PATL2: variants seen among roughly 807,000 people sequenced by gnomAD.
PATL2 encodes the protein protein PAT1 homolog 2.
Under a neutral mutation model 77.0 loss-of-function variants are expected in PATL2, and 73 were observed. That is an observed-to-expected ratio of 0.95 (90% confidence interval 0.78 to 1.15). The LOEUF (loss-of-function observed/expected upper bound fraction) is 1.15, where lower values mean the gene tolerates loss of function less well. Ranked by LOEUF, PATL2 falls within the 50% of genes most tolerant of loss-of-function variation. The probability of loss-of-function intolerance (pLI) is 0.00; values close to 1 mark genes in which losing one functional copy is unlikely to be tolerated. For missense variants in PATL2, 618 were observed against 655.4 expected, an observed-to-expected ratio of 0.94 and a Z score of 0.62; for synonymous variants, 265 against 257.1, an observed-to-expected ratio of 1.03 and a Z score of -0.29.
In PATL2 at chr15:44,672,373, TG is replaced by T; in HGVS notation, c.515+14del. 6.4e-7 allele frequency: 1 copy of T among 1,551,374 alleles called. No individual in the cohort carries two copies. The highest frequency in any genetic ancestry group is 8.7e-7 in the Non-Finnish European group (1 of 1,146,744). On this transcript the variant is annotated intron_variant, in intron 8 of 17. Transcript: ENST00000682850. ...AATGGGCTCCCCTCAACCCTGCTCC[TG>T]GTCTGGGCTTTACCTTGGTGTTTGA... is the stretch of plus-strand genomic sequence containing the variant.
At chr15:44,703,081 C>T (rs928164780) in intron 3 of PATL2, among the ~76,000 whole-genome samples, 1 of 152,042 alleles carries the variant, frequency 6.6e-6, no homozygotes, top group African/African-American at 2.4e-5. Flanking sequence ...CAAGACCATC[C>T]TGACTAACGT....
chr15:44,700,053 A>G (rs2086595575), intron 3 of PATL2, among the ~76,000 whole-genome samples: 1 of 151,774 alleles, frequency 6.6e-6, no homozygotes, highest in South Asian at 2.1e-4. Context: ...TGGTATTTTG[A>G]TAGGGTTTAC....
At chr15:44,676,784 T>TAG (rs2085979675) in intron 3 of PATL2, 1 of 1,230,584 alleles carries the variant, frequency 8.1e-7, no homozygotes, top group South Asian at 1.8e-5. Flanking sequence ...AGGCACAGGC[T>TAG]AGAAGCAGGA....
intron 3 of PATL2, among the ~76,000 whole-genome samples, chr15:44,679,791 T>A (rs1371078524): frequency 6.6e-6 from 1 of 152,204 alleles, no homozygotes; most frequent in Non-Finnish European, 1.5e-5. Flanking sequence ...ACCATGTATG[T>A]CAGGTTTCCT....
intron 16 of PATL2, chr15:44,666,885 T>C: frequency 1.9e-6 from 1 of 523,434 alleles, no homozygotes; most frequent in Non-Finnish European, 3.4e-6. Flanking sequence ...TTTTAAAATC[T>C]AAAGCTTGTC....
intron 4 of PATL2, 113 bp downstream of exon 4, chr15:44,676,362 G>T: frequency 1.0e-6 from 1 of 975,378 alleles, no homozygotes; most frequent in Non-Finnish European, 1.6e-6. Context: ...GCAAGTGGAA[G>T]AATTTGGAAT....
In PATL2 at chr15:44,694,964, AC is replaced by A. The variant is rs1429801210; in HGVS notation, c.-76+15131del. The stretch of plus-strand genomic sequence containing the variant: ...TAGCCAGAAAGAGTCATCGTCCACC[AC>A]CCCCTAAAAGCAGTTAGGGACACCA... On this transcript the variant is annotated intron_variant, in intron 3 of 17. Coordinates refer to ENST00000682850, the MANE Select transcript of PATL2 (RefSeq NM_001387263.1). Among the ~76,000 whole-genome samples, 5 of 151,742 alleles carry A rather than the reference AC, an allele frequency of 3.3e-5. No homozygotes were observed. In the South Asian group the frequency reaches 8.3e-4, roughly 25 times the overall value.
chr15:44,704,682 T>C (rs968666081), intron 3 of PATL2, among the ~76,000 whole-genome samples: 1 of 152,224 alleles, frequency 6.6e-6, no homozygotes, highest in African/African-American at 2.4e-5. Flanking sequence ...TTTTTTTCTG[T>C]GTACTTCCAA....
Position 44,666,340 on chromosome 15 carries a change from C to A in PATL2, c.1613+52G>T, listed in dbSNP as rs2085367448. On this transcript the variant is annotated intron_variant, in intron 17 of 17. Coordinates refer to ENST00000682850, the MANE Select transcript of PATL2 (RefSeq NM_001387263.1). ...GGAAGTAGTGAAGCAAGTAACAGAA[C>A]ATAGATTGGGCTTGAACAAGGGGCT... is the stretch of plus-strand genomic sequence containing the variant. 7.1e-6 allele frequency: 11 copies of A among 1,543,144 alleles called. No individual in the cohort carries two copies. The South Asian group carries it at 1.3e-4, about 18-fold the overall frequency.
intron 5 of PATL2, 94 bp from the exon 6 acceptor site, chr15:44,674,324 A>G: frequency 1.0e-6 from 1 of 965,822 alleles, no homozygotes; most frequent in Admixed American, 2.7e-5. Context: ...AGGAAGCAGC[A>G]AGACCAGGTG....
intron 3 of PATL2, among the ~76,000 whole-genome samples, chr15:44,700,382 G>A (rs534232040): frequency 2.4e-4 from 37 of 151,992 alleles, no homozygotes; most frequent in Non-Finnish European, 3.2e-4. Context: ...GTTCACTGCA[G>A]CCTCCACCTC....
intron 3 of PATL2, among the ~76,000 whole-genome samples, chr15:44,704,053 A>C (rs1023837106): frequency 4.0e-5 from 6 of 151,364 alleles, no homozygotes; most frequent in Non-Finnish European, 8.8e-5. Context: ...CAGTGGTGCG[A>C]TCTTGGCTCA....
chr15:44,682,145 A>C (rs957472509), intron 3 of PATL2, among the ~76,000 whole-genome samples: 1 of 152,230 alleles, frequency 6.6e-6, no homozygotes, highest in African/African-American at 2.4e-5. Flanking sequence ...TATGTCATAT[A>C]AGCAACATGA....
Position 44,665,856 on chromosome 15 carries a change from A to G in PATL2, c.*97T>C. Reference sequence around the variant, plus strand: ...TTCTCCAATATATAAAGGCATAAGAAATGTCTTCAGACTCTCTGGATCCCT... The same window carrying G: ...TTCTCCAATATATAAAGGCATAAGAGATGTCTTCAGACTCTCTGGATCCCT... On this transcript the variant is annotated 3_prime_UTR_variant, in exon 18 of 18. Coordinates refer to ENST00000682850, the MANE Select transcript of PATL2 (RefSeq NM_001387263.1). The G allele has an allele frequency of 9.0e-6, 14 of 1,547,706 alleles. No individual in the cohort carries two copies. Among genetic ancestry groups the G allele is most frequent in the Non-Finnish European group, 1.2e-5 (14 of 1,145,602 alleles).
rs190125827 is a variant in PATL2 at position 44,671,949 on chromosome 15, C to T, written c.657+66G>A. The T allele has an allele frequency of 3.8e-3, 5,723 of 1,521,346 alleles. 12 individuals carry two copies. The highest frequency in any genetic ancestry group is 4.6e-3 in the Non-Finnish European group (5,170 of 1,125,342). The allele number at this position is 1,521,346 out of a possible 1,614,324, so 94.2% of individuals were successfully genotyped here. ...CTATGAGCCGAAGAGAGGATCAGAG[C>T]GGGCCCGGGAGTCCAGGCCCATTTG... On this transcript the variant is annotated intron_variant, in intron 9 of 17. Transcript: ENST00000682850.
intron 3 of PATL2, chr15:44,676,965 G>T: frequency 1.0e-6 from 1 of 983,128 alleles, no homozygotes; most frequent in Non-Finnish European, 1.2e-6. Flanking sequence ...CTCCTCCCCT[G>T]CTCACCCATT....
Position 44,669,285 on chromosome 15 carries a change from G to A in PATL2, c.1059C>T (p.Asn353=), listed in dbSNP as rs777830183. ...TGGAACCCTCCCACACTCACTCCAG[G>A]TTGTTCTGCTCCTGGGTCTTTAAGG... ...FQTLKTQEQN[N]LEEAADGFLQ... is the part of the protein sequence containing the mutation. The change falls in exon 13 of 18, where the codon AAC becomes AAT. Residue 353 remains asparagine (N), a synonymous_variant. Coordinates refer to ENST00000682850, the MANE Select transcript of PATL2 (RefSeq NM_001387263.1). The A allele has an allele frequency of 1.4e-5, 22 of 1,549,172 alleles. No homozygotes were observed. The highest frequency in any genetic ancestry group is 9.5e-5 in the South Asian group (8 of 83,970).
At chr15:44,689,997 C>G (rs990634360) in intron 3 of PATL2, among the ~76,000 whole-genome samples, 1 of 152,136 alleles carries the variant, frequency 6.6e-6, no homozygotes, top group Admixed American at 6.6e-5. Context: ...CGAGACTAGC[C>G]TGACCAACAT....
At position 44,674,266 on chromosome 15, in the gene PATL2, G is replaced by A. The variant is rs763356976; in HGVS notation, c.223-36C>T. The A allele has an allele frequency of 2.8e-6, 4 of 1,444,204 alleles. No individual in the cohort carries two copies. In the South Asian group the frequency reaches 3.8e-5, roughly 14 times the overall value. The allele number at this position is 1,444,204 out of a possible 1,614,324, so 89.5% of individuals were successfully genotyped here. A position where few individuals can be genotyped will look rare whatever the true frequency, so the allele number is the denominator to read the frequency against. ...AGGGAGGAAAAACCAGGCTCAAATGGGCCCCTGTAGTGTCTTCTGCATTCA... is the reference window on the plus strand; with the variant it reads ...AGGGAGGAAAAACCAGGCTCAAATGAGCCCCTGTAGTGTCTTCTGCATTCA... On this transcript the variant is annotated intron_variant, in intron 5 of 17. Transcript: ENST00000682850.
Sources: allele counts gnomAD v4.1 joint callset (sites outside exome capture counted in the v4.1 genomes callset), GRCh38; gene constraint gnomAD v4.1.1; transcripts MANE v1.5; gene names NCBI Gene and HGNC (gene_info 2026-07-23, HGNC 2026-07-21).